The following ZNF611 variants were observed in gnomAD, a reference collection of about 807,000 sequenced individuals.
The protein encoded by ZNF611 is zinc finger protein 611.
In ZNF611, 6 loss-of-function variants were observed where a neutral mutation model predicts 8.9. The observed-to-expected ratio is 0.68, with a 90% CI of 0.37 to 1.34. ZNF611 has a LOEUF of 1.34. ZNF611 is among the 40% of genes most tolerant of loss of function. The pLI, the probability that ZNF611 is intolerant of heterozygous loss-of-function variation, is 0.02. For missense variants in ZNF611, 874 were observed against 841.3 expected, an observed-to-expected ratio of 1.04 and a Z score of -0.48; for synonymous variants, 262 against 279.7, an observed-to-expected ratio of 0.94 and a Z score of 0.63.
At chr19:52,708,711 C>A (rs988233722) in intron 5 of ZNF611, 1 of 151,892 alleles carries the variant, frequency 6.6e-6, no homozygotes, top group African/African-American at 2.4e-5. Flanking sequence ...GTGGAGGGCG[C>A]CTATAATCTC....
chr19:52,726,205 A>T (rs987823324), intron 3 of ZNF611, among the ~76,000 whole-genome samples: 7 of 152,116 alleles, frequency 4.6e-5, no homozygotes, highest in African/African-American at 1.7e-4. Flanking sequence ...CTGGGTGCTC[A>T]GGCCAGGGAG....
At chr19:52,710,847 T>C (rs2062274603) in intron 5 of ZNF611, among the ~76,000 whole-genome samples, 1 of 152,066 alleles carries the variant, frequency 6.6e-6, no homozygotes, top group African/African-American at 2.4e-5. Context: ...GATGAATCAC[T>C]AGTAGAAACT....
rs1340018856 is a variant in ZNF611, at chr19:52,703,622, C to T, written c.*1315G>A. 7.6e-6 allele frequency: 1 copy of T among 130,964 alleles called. No homozygotes were observed. Among genetic ancestry groups the T allele is most frequent in the Non-Finnish European group, 1.6e-5 (1 of 63,768 alleles). 8.1% of individuals were successfully genotyped at this position (130,964 alleles called of 1,614,324 possible). A position where few individuals can be genotyped will look rare whatever the true frequency, so the allele number is the denominator to read the frequency against. On this transcript the variant is annotated 3_prime_UTR_variant, in exon 6 of 6. Coordinates refer to ENST00000652185, the MANE Select transcript of ZNF611 (RefSeq NM_001161499.2). ...TTTTTTTTTTTTTGAGATAGACTCT[C>T]ACTCTGTCGCCCAGGCTGGAGCCCA...
At chr19:52,715,671 G>A (rs1446810809) in intron 4 of ZNF611, among the ~76,000 whole-genome samples, 161 bp downstream of exon 4, 2 of 152,128 alleles carry the variant, frequency 1.3e-5, no homozygotes, top group Non-Finnish European at 2.9e-5. Flanking sequence ...CACAGGAGAT[G>A]GAATCTCAGA....
chr19:52,730,410 A>C (rs969126288), intron 1 of ZNF611, among the ~76,000 whole-genome samples: 8 of 148,554 alleles, frequency 5.4e-5, no homozygotes, highest in Admixed American at 1.3e-4. Context: ...AAAAAAAAAA[A>C]AAAAAAAAAA....
In ZNF611 at chr19:52,705,658, C is replaced by T. The variant is rs777479739; in HGVS notation, c.1397G>A (p.Ser466Asn). The T allele has an allele frequency of 1.2e-6, 2 of 1,612,420 alleles. No homozygotes were observed. The highest frequency in any genetic ancestry group is 1.7e-6 in the Non-Finnish European group (2 of 1,179,536). ...CKVCDKAFVW[S>N]SQLAKHTRID... is the part of the protein sequence containing the mutation. ...TCTAGTATGTTTTGCCAGTTGTGAACTCCACACAAAAGCCTTGTCACAAAC... is the reference window on the plus strand; with the variant it reads ...TCTAGTATGTTTTGCCAGTTGTGAATTCCACACAAAAGCCTTGTCACAAAC... The change falls in exon 6 of 6, where the codon AGT becomes AAT. Residue 466 changes from serine (S) to asparagine (N), a missense_variant. Coordinates refer to ENST00000652185, the MANE Select transcript of ZNF611 (RefSeq NM_001161499.2).
intron 3 of ZNF611, among the ~76,000 whole-genome samples, chr19:52,721,922 C>A (rs2062362697): frequency 6.6e-6 from 1 of 152,124 alleles, no homozygotes; most frequent in South Asian, 2.1e-4. Context: ...GTGGCCCATG[C>A]CTGTAATCCC....
In ZNF611 at chr19:52,715,065, A is replaced by T. The variant is rs2062307604; in HGVS notation, c.63+767T>A. Among the ~76,000 whole-genome samples, 7 of 152,334 alleles carry T rather than the reference A, an allele frequency of 4.6e-5. No homozygotes were observed. In the South Asian group the frequency reaches 1.4e-3, roughly 32 times the overall value. ...AGGGTTTTCTCTATAGACATGCCAG[A>T]TATTATGTTCAACATACCGGGTGAT... On this transcript the variant is annotated intron_variant, in intron 4 of 5. Transcript: ENST00000652185.
chr19:52,715,355 T>C (rs1568603937), intron 4 of ZNF611, among the ~76,000 whole-genome samples: 1 of 152,198 alleles, frequency 6.6e-6, no homozygotes, highest in Non-Finnish European at 1.5e-5. Flanking sequence ...CTGGGGAGGC[T>C]GAGGCTGGAG....
At chr19:52,725,382 C>T (rs2062385026) in intron 3 of ZNF611, among the ~76,000 whole-genome samples, 1 of 152,154 alleles carries the variant, frequency 6.6e-6, no homozygotes, top group African/African-American at 2.4e-5. Flanking sequence ...CAGGGGAGGC[C>T]GACGGGGGCT....
chr19:52,712,798 T>G (rs1284113984), intron 5 of ZNF611, among the ~76,000 whole-genome samples: 1 of 152,152 alleles, frequency 6.6e-6, no homozygotes, highest in Non-Finnish European at 1.5e-5. Context: ...CATTATTTAT[T>G]ATAGTAAAGA....
chr19:52,719,392 A>G (rs909847280), intron 3 of ZNF611, among the ~76,000 whole-genome samples: 3 of 152,136 alleles, frequency 2.0e-5, no homozygotes, highest in Admixed American at 2.0e-4. Context: ...GTGATCCACA[A>G]CTAACGAGTC....
intron 5 of ZNF611, among the ~76,000 whole-genome samples, chr19:52,709,321 G>A (rs1291533263): frequency 1.3e-5 from 2 of 151,912 alleles, no homozygotes; most frequent in Non-Finnish European, 2.9e-5. Context: ...AGCCCAGCCT[G>A]GAGTGCGGTG....
At position 52,706,817 on chromosome 19, in the gene ZNF611, C is replaced by A. The variant is rs1368337781; in HGVS notation, c.238G>T (p.Gly80Cys). 6.2e-7 allele frequency: 1 copy of A among 1,611,658 alleles called. No individual in the cohort carries two copies. Among genetic ancestry groups the A allele is most frequent in the Admixed American group, 1.7e-5 (1 of 59,490 alleles). ...MMKEVLSTGQ[G>C]NTEVIHTGTL... Reference sequence around the variant, plus strand: ...CCTGTGTGGATCACTTCTGTATTGCCTTGCCCTGTTGACAAGACCTCCTTC... The same window carrying A: ...CCTGTGTGGATCACTTCTGTATTGCATTGCCCTGTTGACAAGACCTCCTTC... Residue 80 changes from glycine (G) to cysteine (C), a missense_variant, in exon 6 of 6, where the codon GGC becomes TGC. Gly to Cys is a radical substitution (Grantham distance 159). Coordinates refer to ENST00000652185, the MANE Select transcript of ZNF611 (RefSeq NM_001161499.2).
intron 1 of ZNF611, among the ~76,000 whole-genome samples, chr19:52,734,161 T>G (rs2147454223): frequency 6.7e-6 from 1 of 150,312 alleles, no homozygotes. Flanking sequence ...ATTTCTCCGG[T>G]TGCTTTTCTC....
chr19:52,704,911 G>A lies in ZNF611; in HGVS notation c.*26C>T. ...GTCTTTAAGGTGTGATTTCCAAATGGAAACTTTGTCACATGCTTCACATTT... is the reference window on the plus strand; with the variant it reads ...GTCTTTAAGGTGTGATTTCCAAATGAAAACTTTGTCACATGCTTCACATTT... On this transcript the variant is annotated 3_prime_UTR_variant, in exon 6 of 6. Transcript: ENST00000652185. The A allele has an allele frequency of 1.2e-6, 2 of 1,612,324 alleles. No individual in the cohort carries two copies. Among genetic ancestry groups the A allele is most frequent in the Admixed American group, 1.7e-5 (1 of 59,852 alleles).
chr19:52,722,904 C>T (rs759630922), intron 3 of ZNF611, among the ~76,000 whole-genome samples: 2,156 of 94,222 alleles, frequency 0.023, 22 homozygotes, highest in Non-Finnish European at 0.032. Flanking sequence ...TTTTTGTTTT[C>T]GTTTTTTTTT....
intron 1 of ZNF611, among the ~76,000 whole-genome samples, chr19:52,731,835 G>T (rs2062427465): frequency 6.6e-6 from 1 of 152,068 alleles, no homozygotes; most frequent in Non-Finnish European, 1.5e-5. Context: ...GCCGAGCGTG[G>T]TGGTGCATGC....
In ZNF611 at chr19:52,703,528, T is replaced by A. The variant is rs186045788; in HGVS notation, c.*1409A>T. ...TGTGACCTTAGGTGACCAGTTCACATGGGTCGACCAAAGTACTCTGATTGC... is the reference window on the plus strand; with the variant it reads ...TGTGACCTTAGGTGACCAGTTCACAAGGGTCGACCAAAGTACTCTGATTGC... On this transcript the variant is annotated 3_prime_UTR_variant, in exon 6 of 6. Coordinates refer to ENST00000652185, the MANE Select transcript of ZNF611 (RefSeq NM_001161499.2). 1 of 151,348 alleles carries A rather than the reference T, an allele frequency of 6.6e-6. No homozygotes were observed. The highest frequency in any genetic ancestry group is 1.9e-4 in the East Asian group (1 of 5,140). 9.4% of individuals were successfully genotyped at this position (151,348 alleles called of 1,614,324 possible).
Sources: gnomAD v4.1 joint callset for allele counts (sites outside exome capture counted in the v4.1 genomes callset) on GRCh38, gnomAD v4.1.1 for gene constraint, MANE v1.5 for transcripts, NCBI Gene and HGNC (gene_info 2026-07-23, HGNC 2026-07-21) for gene names.